VWA3A: variants seen among roughly 807,000 people sequenced by gnomAD.
VWA3A encodes von Willebrand factor A domain containing 3A.
VWA3A carries 134 observed loss-of-function variants against 160.4 expected under a neutral mutation model. The ratio of observed to expected loss-of-function variants is 0.84; its 90% CI spans 0.73 to 0.96. The LOEUF (loss-of-function observed/expected upper bound fraction) is 0.96. Ranked by LOEUF, VWA3A falls within the 40% of genes least tolerant of loss-of-function variation. The probability of loss-of-function intolerance (pLI) is 0.00; values close to 1 mark genes in which losing one functional copy is unlikely to be tolerated. For missense variants in VWA3A, 1,310 were observed against 1,447.9 expected (o/e 0.90, Z 1.55); for synonymous variants, 476 against 543.4 (o/e 0.88, Z 1.72).
chr16:22,117,603 A>AATCCATTCTGTACCGATCC (rs1403202377), intron 11 of VWA3A, among the ~76,000 whole-genome samples: 1 of 152,222 alleles, frequency 6.6e-6, no homozygotes, highest in Non-Finnish European at 1.5e-5. Flanking sequence ...CGAAATGAGC[A>AATCCATTCTGTACCGATCC]ATCCATTCTG....
rs572237923 is a variant in VWA3A, at chr16:22,111,572, C to A, written c.689+578C>A. On this transcript the variant is annotated intron_variant, in intron 8 of 33. Transcript: ENST00000389398. ...TCTCGGCTCAATGCAACCTCCACCC[C>A]ACGGGTTCAGGTGATTCTCATGCCT... 1.2e-4 allele frequency among the ~76,000 whole-genome samples: 18 copies of A among 151,984 alleles called. No individual in the cohort carries two copies. In the Middle Eastern group the frequency reaches 0.014, roughly 116 times the overall value.
rs2045688191 is a variant in VWA3A, at chr16:22,118,896, C to T, written c.991-6C>T. 1.2e-6 allele frequency: 2 copies of T among 1,613,852 alleles called. No individual in the cohort carries two copies. Among genetic ancestry groups the T allele is most frequent in the East Asian group, 2.2e-5 (1 of 44,874 alleles). ...CCGGATGTCTGATTGCTCTTGCCAC[C>T]CTCAGCACTACACCAGCCGGGACAT... is the stretch of plus-strand genomic sequence containing the variant. On this transcript the variant is annotated splice_region_variant and splice_polypyrimidine_tract_variant and intron_variant, in intron 11 of 33. Transcript: ENST00000389398.
At chr16:22,101,629 C>G (rs2045409084) in intron 5 of VWA3A, among the ~76,000 whole-genome samples, 1 of 152,262 alleles carries the variant, frequency 6.6e-6, no homozygotes, top group African/African-American at 2.4e-5. Flanking sequence ...AGGGGTTTCC[C>G]CTTATAAAAC....
chr16:22,097,041 C>T, intron 2 of VWA3A, 96 bp downstream of exon 2: 1 of 756,128 alleles, frequency 1.3e-6, no homozygotes, highest in Non-Finnish European at 2.1e-6. Flanking sequence ...TCTAGGCTCA[C>T]TGCAAGCTCT....
chr16:22,142,468 C>A (rs2046168376), intron 24 of VWA3A, among the ~76,000 whole-genome samples, 200 bp from the exon 25 acceptor site: 1 of 151,868 alleles, frequency 6.6e-6, no homozygotes, highest in Non-Finnish European at 1.5e-5. Context: ...CCAGCCCTTG[C>A]GGCAAGTAAT....
At chr16:22,124,986 AAG>A in intron 16 of VWA3A, among the ~76,000 whole-genome samples, 1 of 152,290 alleles carries the variant, frequency 6.6e-6, no homozygotes, top group South Asian at 2.1e-4. Flanking sequence ...TTAAAACAGA[AAG>A]AGAGCAAACA....
chr16:22,119,610 C>T (rs1400320033), intron 12 of VWA3A, among the ~76,000 whole-genome samples: 2 of 152,206 alleles, frequency 1.3e-5, no homozygotes, highest in African/African-American at 4.8e-5. Context: ...ATTGAGGCTG[C>T]AGTGAGCCAT....
chr16:22,134,921 A>C (rs762321805), intron 21 of VWA3A, among the ~76,000 whole-genome samples: 1 of 152,176 alleles, frequency 6.6e-6, no homozygotes, highest in Non-Finnish European at 1.5e-5. Flanking sequence ...AAAGGCTTAG[A>C]TGTCAAAAAT....
chr16:22,125,712 C>T (rs560423325), intron 16 of VWA3A, among the ~76,000 whole-genome samples: 1 of 152,206 alleles, frequency 6.6e-6, no homozygotes, highest in East Asian at 1.9e-4. Context: ...CGTGAGCCAC[C>T]GCGCCCGGCC....
intron 3 of VWA3A, among the ~76,000 whole-genome samples, chr16:22,098,229 C>T (rs1352808710): frequency 5.9e-5 from 9 of 152,202 alleles, no homozygotes; most frequent in Admixed American, 5.9e-4. Context: ...AAGGCTAGTG[C>T]ACAACCATGT....
intron 28 of VWA3A, among the ~76,000 whole-genome samples, chr16:22,149,498 G>C (rs1258450867): frequency 6.6e-6 from 1 of 152,144 alleles, no homozygotes; most frequent in Non-Finnish European, 1.5e-5. Flanking sequence ...TCCCAGCTTG[G>C]CCTTCCAAAG....
rs769150355 is a variant in VWA3A, at chr16:22,149,793, C to A, written c.2991C>A (p.Asn997Lys). ...EQLRKCCDSF[N>K]LLSFAESFQS... ...CTCTTTTCCTCCTCCCCAGTTTTAACCTGCTCAGCTTTGCAGAGAGCTTTC... is the reference window on the plus strand; with the variant it reads ...CTCTTTTCCTCCTCCCCAGTTTTAAACTGCTCAGCTTTGCAGAGAGCTTTC... The change falls in exon 29 of 34, where the codon AAC becomes AAA. Residue 997 changes from asparagine to lysine, a missense_variant. Physicochemically the swap from Asn to Lys is moderately conservative, Grantham distance 94. Transcript: ENST00000389398. 1.3e-6 allele frequency: 2 copies of A among 1,597,566 alleles called. No homozygotes were observed. Among genetic ancestry groups the A allele is most frequent in the East Asian group, 4.5e-5 (2 of 44,374 alleles).
intron 2 of VWA3A, 34 bp downstream of exon 2, chr16:22,096,979 T>A: frequency 7.0e-7 from 1 of 1,429,328 alleles, no homozygotes; most frequent in Non-Finnish European, 9.5e-7. Flanking sequence ...TTTTTTTTTT[T>A]TTTTGAGGCA....
chr16:22,122,609 G>A (rs1446979344), intron 14 of VWA3A, among the ~76,000 whole-genome samples: 1 of 152,170 alleles, frequency 6.6e-6, no homozygotes, highest in Non-Finnish European at 1.5e-5. Context: ...TGGAGTGATA[G>A]ATGGATATGT....
At chr16:22,097,244 C>T (rs1056791954) in intron 2 of VWA3A, among the ~76,000 whole-genome samples, 2 of 152,108 alleles carry the variant, frequency 1.3e-5, no homozygotes, top group Non-Finnish European at 2.9e-5. Flanking sequence ...GGATTACAAG[C>T]GTGAGCCACC....
At chr16:22,119,616 G>A (rs1465622789) in intron 12 of VWA3A, among the ~76,000 whole-genome samples, 1 of 152,232 alleles carries the variant, frequency 6.6e-6, no homozygotes, top group Admixed American at 6.5e-5. Flanking sequence ...GCTGCAGTGA[G>A]CCATGATGGC....
chr16:22,122,517 C>A (rs1416289442), intron 14 of VWA3A, among the ~76,000 whole-genome samples: 1 of 151,804 alleles, frequency 6.6e-6, no homozygotes, highest in Non-Finnish European at 1.5e-5. Context: ...AGAAAGATGG[C>A]AGAAAGATGG....
chr16:22,138,397 G>A lies in VWA3A; in HGVS notation c.2177G>A (p.Gly726Glu). 4 of 1,608,052 alleles carry A rather than the reference G, an allele frequency of 2.5e-6. No individual in the cohort carries two copies. In the South Asian group the frequency reaches 4.5e-5, roughly 18 times the overall value. The change falls in exon 22 of 34, where the codon GGA becomes GAA. Residue 726 changes from glycine to glutamate, a missense_variant. Physicochemically the swap from Gly to Glu is moderately conservative, Grantham distance 98. Coordinates refer to ENST00000389398, the MANE Select transcript of VWA3A (RefSeq NM_173615.5). ...FLMASLKNHS[G>E]KVLGSSALPK... Reference sequence around the variant, plus strand: ...ATGGCCTCCCTGAAGAACCATTCAGGAAAAGTACTGGGAAGTTCAGCCCTC... The same window carrying A: ...ATGGCCTCCCTGAAGAACCATTCAGAAAAAGTACTGGGAAGTTCAGCCCTC...
At chr16:22,152,757 A>G (rs2046372915) in intron 31 of VWA3A, 123 bp downstream of exon 31, 1 of 1,408,590 alleles carries the variant, frequency 7.1e-7, no homozygotes, top group South Asian at 1.3e-5. Flanking sequence ...GCCTCCCAAA[A>G]TGTTGGGATT....
Sources: allele counts gnomAD v4.1 joint callset (sites outside exome capture counted in the v4.1 genomes callset), GRCh38; gene constraint gnomAD v4.1.1; transcripts MANE v1.5; gene names NCBI Gene and HGNC (gene_info 2026-07-23, HGNC 2026-07-21).